The following ERC1 variants were observed in gnomAD, a reference collection of about 807,000 sequenced individuals.
The protein encoded by ERC1 is RAB6 interacting protein 2.
Under a neutral mutation model 132.0 loss-of-function variants are expected in ERC1, and 56 were observed. The ratio of observed to expected loss-of-function variants is 0.42; its 90% CI spans 0.34 to 0.53. The LOEUF is 0.53. Among genes scored for constraint, ERC1 ranks in the 20% least tolerant of loss-of-function variants. The probability of loss-of-function intolerance (pLI) is 0.03; values close to 1 mark genes in which losing one functional copy is unlikely to be tolerated. For missense variants in ERC1, 1,202 were observed against 1,349.9 expected (o/e 0.89, Z 1.72); for synonymous variants, 478 against 476.1 (o/e 1.00, Z -0.05).
At chr12:1,030,380 G>A (rs1309943076) in intron 2 of ERC1, among the ~76,000 whole-genome samples, 1 of 152,186 alleles carries the variant, frequency 6.6e-6, no homozygotes, top group Admixed American at 6.5e-5. Context: ...ACACAAAGAT[G>A]TTTAGGTCAA....
chr12:1,356,571 C>G (rs368285548), intron 15 of ERC1, among the ~76,000 whole-genome samples: 1 of 152,042 alleles, frequency 6.6e-6, no homozygotes, highest in African/African-American at 2.4e-5. Context: ...AGGAGAGAAC[C>G]TTCAAATTAA....
chr12:1,255,621 C>CTTTTGT (rs1566399460), intron 13 of ERC1, among the ~76,000 whole-genome samples: 2 of 61,558 alleles, frequency 3.2e-5, no homozygotes, highest in African/African-American at 1.2e-4. Context: ...GCTTCCTGGC[C>CTTTTGT]TTTTTTTTTT....
intron 16 of ERC1, among the ~76,000 whole-genome samples, chr12:1,383,434 C>G (rs1479120673): frequency 4.6e-5 from 7 of 152,058 alleles, no homozygotes; most frequent in Admixed American, 4.6e-4. Context: ...CCTGCTGCCT[C>G]TTTTGGTCTC....
chr12:1,181,790 A>T lies in ERC1; in HGVS notation c.1876-135A>T, dbSNP rs1954500541. On this transcript the variant is annotated intron_variant, in intron 9 of 18. Transcript: ENST00000360905. Reference sequence around the variant, plus strand: ...AAGAGCGAAACTCTGTCTCAAAAAAAAAAAAAAAGTGGATTCTTTAAAAAC... The same window carrying T: ...AAGAGCGAAACTCTGTCTCAAAAAATAAAAAAAAGTGGATTCTTTAAAAAC... 7.9e-6 allele frequency: 8 copies of T among 1,017,396 alleles called. No homozygotes were observed. The South Asian group carries it at 1.7e-4, about 21-fold the overall frequency. 63.0% of individuals were successfully genotyped at this position (1,017,396 alleles called of 1,614,324 possible).
intron 18 of ERC1, among the ~76,000 whole-genome samples, chr12:1,445,832 G>A (rs1296412559): frequency 2.0e-5 from 3 of 152,244 alleles, no homozygotes; most frequent in Admixed American, 2.0e-4. Flanking sequence ...AGTCTGAGTA[G>A]TTTAGGTTAA....
chr12:1,349,784 T>TA (rs1339504345), intron 15 of ERC1, among the ~76,000 whole-genome samples: 1 of 152,206 alleles, frequency 6.6e-6, no homozygotes, highest in African/African-American at 2.4e-5. Context: ...ACTTAGACCT[T>TA]AAAAAACTTT....
At chr12:1,467,270 C>T (rs905224363) in intron 18 of ERC1, among the ~76,000 whole-genome samples, 2 of 152,050 alleles carry the variant, frequency 1.3e-5, no homozygotes, top group African/African-American at 4.8e-5. Context: ...TCGGTTTGTT[C>T]CTTTGAATGA....
chr12:1,316,892 G>T (rs2154352375), intron 15 of ERC1, among the ~76,000 whole-genome samples: 1 of 152,354 alleles, frequency 6.6e-6, no homozygotes, highest in South Asian at 2.1e-4. Context: ...AGGCATGGCG[G>T]CTCATGCCTG....
chr12:1,456,286 T>A (rs2057799), intron 18 of ERC1, among the ~76,000 whole-genome samples: 10,010 of 152,276 alleles, frequency 0.066, 1,086 homozygotes, highest in African/African-American at 0.23. Flanking sequence ...TTAAATAGAT[T>A]TGGTTTTGGC....
At chr12:1,050,568 G>GCTTA in intron 2 of ERC1, among the ~76,000 whole-genome samples, 1 of 152,072 alleles carries the variant, frequency 6.6e-6, no homozygotes, top group African/African-American at 2.4e-5. Context: ...TTTTTTGTTT[G>GCTTA]CTTACCATCT....
intron 18 of ERC1, among the ~76,000 whole-genome samples, chr12:1,484,094 A>G (rs2094151836): frequency 6.6e-6 from 1 of 151,130 alleles, no homozygotes; most frequent in South Asian, 2.1e-4. Flanking sequence ...TCACGAGGTC[A>G]GGAGATCAAG....
At chr12:1,451,898 A>C (rs189512966) in intron 18 of ERC1, among the ~76,000 whole-genome samples, 17 of 152,312 alleles carry the variant, frequency 1.1e-4, no homozygotes, top group Admixed American at 4.6e-4. Flanking sequence ...GGTGAACCCT[A>C]ATCCATTGTA....
At chr12:1,393,088 C>T (rs573629075) in intron 16 of ERC1, among the ~76,000 whole-genome samples, 1 of 152,242 alleles carries the variant, frequency 6.6e-6, no homozygotes, top group Non-Finnish European at 1.5e-5. Flanking sequence ...CCTTTATATC[C>T]TCTGGGTTTA....
At chr12:1,289,305 A>G (rs1396219690) in intron 14 of ERC1, among the ~76,000 whole-genome samples, 1 of 151,282 alleles carries the variant, frequency 6.6e-6, no homozygotes, top group African/African-American at 2.4e-5. Flanking sequence ...AAGAAACCCT[A>G]CCTACCTGGA....
chr12:996,915 A>C (rs550612242), intron 1 of ERC1, among the ~76,000 whole-genome samples: 1 of 152,272 alleles, frequency 6.6e-6, no homozygotes, highest in Non-Finnish European at 1.5e-5. Context: ...GACACTGAAC[A>C]CTGGCAATAT....
intron 16 of ERC1, among the ~76,000 whole-genome samples, chr12:1,377,736 A>G (rs891626850): frequency 7.2e-5 from 11 of 152,220 alleles, no homozygotes; most frequent in Non-Finnish European, 4.4e-5. Context: ...TGTCTATTAT[A>G]GAAGCATGGT....
intron 18 of ERC1, among the ~76,000 whole-genome samples, chr12:1,448,673 C>T (rs2093360566): frequency 6.6e-6 from 1 of 152,246 alleles, no homozygotes; most frequent in African/African-American, 2.4e-5. Flanking sequence ...CATTTCACTG[C>T]CACCATGCTG....
At chr12:1,207,511 A>G (rs561380607) in intron 12 of ERC1, among the ~76,000 whole-genome samples, 1 of 152,244 alleles carries the variant, frequency 6.6e-6, no homozygotes, top group South Asian at 2.1e-4. Flanking sequence ...TTTTCTTTCA[A>G]ATAATAGTGC....
At position 1,491,425 on chromosome 12, in the gene ERC1, A is replaced by G; in HGVS notation, c.*1195A>G. On this transcript the variant is annotated 3_prime_UTR_variant, in exon 19 of 19. Transcript: ENST00000360905. ...TTCAGAGAATATTTATGAAATGCCTACTGTGTGCAAGTCATCCATCCTTGA... is the reference window on the plus strand; with the variant it reads ...TTCAGAGAATATTTATGAAATGCCTGCTGTGTGCAAGTCATCCATCCTTGA... 1 of 230,704 alleles carries G rather than the reference A, an allele frequency of 4.3e-6. No homozygotes were observed. Among genetic ancestry groups the G allele is most frequent in the East Asian group, 6.2e-5 (1 of 16,254 alleles). The allele number at this position is 230,704 out of a possible 1,614,324, so 14.3% of individuals were successfully genotyped here.
Sources: gnomAD v4.1 joint callset for allele counts (sites outside exome capture counted in the v4.1 genomes callset) on GRCh38, gnomAD v4.1.1 for gene constraint, MANE v1.5 for transcripts, NCBI Gene and HGNC (gene_info 2026-07-23, HGNC 2026-07-21) for gene names.